IL1RAPL2: variants seen among roughly 807,000 people sequenced by gnomAD.
IL1RAPL2 encodes the protein X-linked interleukin-1 receptor accessory protein-like 2.
A neutral mutation model predicts 44.1 loss-of-function variants in IL1RAPL2; 3 were observed. That is an observed-to-expected ratio of 0.07 (90% CI 0.03 to 0.18). IL1RAPL2 has a LOEUF of 0.18. Among genes scored for constraint, IL1RAPL2 ranks in the 10% least tolerant of loss-of-function variants. IL1RAPL2 has a pLI of 1.00. For synonymous variants in IL1RAPL2, 181 were observed against 178.8 expected, an observed-to-expected ratio of 1.01 and a Z score of -0.10; for missense variants, 391 against 496.4, an observed-to-expected ratio of 0.79 and a Z score of 2.02.
intron 6 of IL1RAPL2, among the ~76,000 whole-genome samples, chrX:105,606,604 A>G (rs778352614): frequency 8.9e-6 from 1 of 111,892 alleles, no homozygotes; most frequent in East Asian, 2.8e-4. Context: ...TTACACCCCC[A>G]TGTTTATTGC....
chrX:105,008,509 T>C (rs1025063335), intron 2 of IL1RAPL2, among the ~76,000 whole-genome samples: 2 of 111,254 alleles, frequency 1.8e-5, no homozygotes, highest in Admixed American at 9.6e-5. Flanking sequence ...GGAAAGGATT[T>C]CCTATTTAAT....
intron 6 of IL1RAPL2, among the ~76,000 whole-genome samples, chrX:105,705,215 T>C (rs1159238630): frequency 1.8e-5 from 2 of 110,455 alleles, no homozygotes; most frequent in African/African-American, 6.6e-5. Context: ...GATGAATAGA[T>C]AGACGGATAC....
At chrX:105,727,528 T>C (rs1255597688) in intron 7 of IL1RAPL2, among the ~76,000 whole-genome samples, 1 of 111,428 alleles carries the variant, frequency 9.0e-6, no homozygotes, top group Non-Finnish European at 1.9e-5. Context: ...CTAGTAGTGA[T>C]ATTGATGATA....
intron 5 of IL1RAPL2, among the ~76,000 whole-genome samples, chrX:105,444,346 A>T (rs2035940651): frequency 9.0e-6 from 1 of 110,832 alleles, no homozygotes. Context: ...TTTTAACTTG[A>T]TGTGATGACA....
intron 2 of IL1RAPL2, among the ~76,000 whole-genome samples, chrX:105,143,625 G>T (rs1321921190): frequency 3.6e-5 from 4 of 112,293 alleles, no homozygotes; most frequent in Non-Finnish European, 3.8e-5. Context: ...AAATCATGCT[G>T]CTATAAAGAC....
intron 5 of IL1RAPL2, among the ~76,000 whole-genome samples, chrX:105,332,178 A>G (rs918429813): frequency 4.5e-5 from 5 of 110,905 alleles, no homozygotes; most frequent in Non-Finnish European, 7.6e-5. Context: ...AAATTTTTTA[A>G]CAAGTACCCT....
At chrX:105,272,748 G>A (rs901674755) in intron 5 of IL1RAPL2, among the ~76,000 whole-genome samples, 5 of 112,592 alleles carry the variant, frequency 4.4e-5, no homozygotes, top group East Asian at 2.8e-4. Flanking sequence ...ATGTTCAAAC[G>A]CATGGCTTTA....
intron 5 of IL1RAPL2, among the ~76,000 whole-genome samples, chrX:105,299,356 CTGAA>C (rs2034678370): frequency 9.0e-6 from 1 of 110,877 alleles, no homozygotes; most frequent in Non-Finnish European, 1.9e-5. Context: ...CATAGGGTCA[CTGAA>C]TGGGGAAATG....
intron 2 of IL1RAPL2, among the ~76,000 whole-genome samples, chrX:105,082,515 C>A (rs2032425510): frequency 9.0e-6 from 1 of 111,161 alleles, no homozygotes. Flanking sequence ...GAGATACCTC[C>A]CAGTAGGAGC....
At chrX:105,335,351 G>T (rs750995715) in intron 5 of IL1RAPL2, among the ~76,000 whole-genome samples, 1 of 111,294 alleles carries the variant, frequency 9.0e-6, no homozygotes, top group African/African-American at 3.3e-5. Flanking sequence ...TTAACTCAGT[G>T]CTAACTGGTG....
At chrX:104,914,459 A>C (rs1165893444) in intron 2 of IL1RAPL2, among the ~76,000 whole-genome samples, 1 of 112,268 alleles carries the variant, frequency 8.9e-6, no homozygotes, top group East Asian at 2.8e-4. Flanking sequence ...CTATACAACC[A>C]TTTAAAATAA....
At chrX:104,828,071 A>G (rs911788599) in intron 2 of IL1RAPL2, among the ~76,000 whole-genome samples, 7 of 111,791 alleles carry the variant, frequency 6.3e-5, no homozygotes, top group African/African-American at 2.3e-4. Context: ...GGGTTAGAAC[A>G]TGCTCCTTTA....
chrX:104,704,724 A>G (rs1206085613), intron 2 of IL1RAPL2, among the ~76,000 whole-genome samples: 1 of 111,869 alleles, frequency 8.9e-6, no homozygotes, highest in Non-Finnish European at 1.9e-5. Context: ...AACTCAATAT[A>G]CTCTAATAGA....
intron 7 of IL1RAPL2, among the ~76,000 whole-genome samples, chrX:105,720,628 C>T (rs1346171609): frequency 1.8e-5 from 2 of 111,176 alleles, no homozygotes; most frequent in Non-Finnish European, 3.8e-5. Context: ...TGGGTTGTTT[C>T]CAGTTAGGAC....
At chrX:104,657,692 A>C (rs1172308433) in intron 1 of IL1RAPL2, among the ~76,000 whole-genome samples, 1 of 111,694 alleles carries the variant, frequency 9.0e-6, no homozygotes, top group Non-Finnish European at 1.9e-5. Flanking sequence ...GGCAACCTAC[A>C]GAATAGGAGA....
At chrX:105,527,734 A>G (rs1483628758) in intron 6 of IL1RAPL2, among the ~76,000 whole-genome samples, 1 of 111,249 alleles carries the variant, frequency 9.0e-6, no homozygotes, top group Admixed American at 9.6e-5. Flanking sequence ...GAACACCTCA[A>G]GAAGATAGAT....
chrX:104,675,536 G>C (rs1209013618), intron 2 of IL1RAPL2, among the ~76,000 whole-genome samples: 2 of 111,129 alleles, frequency 1.8e-5, no homozygotes, highest in African/African-American at 6.6e-5. Context: ...GTCAATTTTG[G>C]TATAGGTGTG....
At chrX:104,643,086 G>A (rs1929966025) in intron 1 of IL1RAPL2, among the ~76,000 whole-genome samples, 1 of 112,154 alleles carries the variant, frequency 8.9e-6, no homozygotes, top group Non-Finnish European at 1.9e-5. Context: ...GTATATGAGA[G>A]TGTTTTGCTG....
At chrX:105,497,505 T>C (rs1300519076) in intron 6 of IL1RAPL2, among the ~76,000 whole-genome samples, 2 of 111,845 alleles carry the variant, frequency 1.8e-5, no homozygotes, top group African/African-American at 6.5e-5. Context: ...TAACAATAAC[T>C]AAAGAAGAAT....
Sources: allele counts gnomAD v4.1 joint callset (sites outside exome capture counted in the v4.1 genomes callset), GRCh38; gene constraint gnomAD v4.1.1; transcripts MANE v1.5; gene names NCBI Gene and HGNC (gene_info 2026-07-23, HGNC 2026-07-21).